BSN: variants seen among roughly 807,000 people sequenced by gnomAD.
BSN encodes protein bassoon.
In BSN, 57 loss-of-function variants were observed where a neutral mutation model predicts 264.8. The ratio of observed to expected loss-of-function variants is 0.22; its 90% CI spans 0.17 to 0.27. The LOEUF (loss-of-function observed/expected upper bound fraction) is 0.27, where lower values mean the gene tolerates loss of function less well. Among genes scored for constraint, BSN ranks in the 10% least tolerant of loss-of-function variants. The pLI is 1.00. For synonymous variants in BSN, 2,059 were observed against 2,137.3 expected (o/e 0.96, Z 1.01); for missense variants, 4,615 against 5,232.5 (o/e 0.88, Z 3.64).
rs1471448745 is a variant in BSN at position 49,662,382 on chromosome 3, A to T, written c.10537A>T (p.Arg3513Trp). Residue 3513 changes from arginine (R) to tryptophan (W), a missense_variant, in exon 6 of 12, where the codon AGG (arginine) becomes TGG (tryptophan). Around this residue, in one of 3 missense-constraint regions of BSN, gnomAD observed 3,415 missense variants for 3,866.4 expected, o/e 0.88. Transcript: ENST00000296452. ...GGAGAGCCCCGTCAGTCCTTTGGGG[A>T]GGCCCCGCCCTGCCGGAGGGCCCCT... is the stretch of plus-strand genomic sequence containing the variant. ...EEESPVSPLG[R>W]PRPAGGPLPP... 7 of 1,613,444 alleles carry T rather than the reference A, an allele frequency of 4.3e-6. No individual in the cohort carries two copies. In the South Asian group the frequency reaches 6.6e-5, roughly 15 times the overall value.
chr3:49,563,852 C>G (rs2051733642), intron 1 of BSN, among the ~76,000 whole-genome samples: 1 of 152,224 alleles, frequency 6.6e-6, no homozygotes, highest in Non-Finnish European at 1.5e-5. Flanking sequence ...GCAGATGATT[C>G]TACTGCTGGA....
intron 1 of BSN, among the ~76,000 whole-genome samples, chr3:49,605,491 T>TTATATATTATA (rs2052113785): frequency 1.6e-3 from 12 of 7,666 alleles, no homozygotes; most frequent in African/African-American, 6.5e-3. Context: ...ATAATATATA[T>TTATATATTATA]TATATATAAT....
intron 1 of BSN, among the ~76,000 whole-genome samples, chr3:49,559,148 A>C (rs2051695421): frequency 6.6e-6 from 1 of 152,086 alleles, no homozygotes; most frequent in East Asian, 1.9e-4. Context: ...GCTGGTCTCA[A>C]ACTCCTGAGC....
At chr3:49,575,480 A>G (rs2051837928) in intron 1 of BSN, among the ~76,000 whole-genome samples, 1 of 147,770 alleles carries the variant, frequency 6.8e-6, no homozygotes, top group African/African-American at 2.5e-5. Flanking sequence ...ATGTGTATAT[A>G]TGTAAATATA....
At chr3:49,580,043 T>C (rs928633536) in intron 1 of BSN, among the ~76,000 whole-genome samples, 1 of 152,226 alleles carries the variant, frequency 6.6e-6, no homozygotes, top group Admixed American at 6.5e-5. Context: ...ACAAGATATA[T>C]TGGTCTAAAG....
At position 49,653,867 on chromosome 3, in the gene BSN, G is replaced by A; in HGVS notation, c.4311G>A (p.Gln1437=). 6.2e-7 allele frequency: 1 copy of A among 1,614,060 alleles called. No individual in the cohort carries two copies. Among genetic ancestry groups the A allele is most frequent in the Non-Finnish European group, 8.5e-7 (1 of 1,179,986 alleles). ...GGTCCCAAACTGAGGATCTACCCCAGGCCCCCAGTGGCCTTGCTGCAGCTG... is the reference window on the plus strand; with the variant it reads ...GGTCCCAAACTGAGGATCTACCCCAAGCCCCCAGTGGCCTTGCTGCAGCTG... ...NYGSQTEDLP[Q]APSGLAAAGR... The change falls in exon 5 of 12, where the codon CAG becomes CAA. Residue 1437 remains glutamine, a synonymous_variant. Transcript: ENST00000296452. This position sits in a 1 kb window ranked among gnomAD's most constrained non-coding sequence, Gnocchi z 6.3.
At chr3:49,632,802 G>A (rs191670331) in intron 2 of BSN, among the ~76,000 whole-genome samples, 7 of 151,688 alleles carry the variant, frequency 4.6e-5, no homozygotes, top group African/African-American at 1.5e-4. Context: ...AAAAAAAAGT[G>A]GGGGGGAGCA....
intron 1 of BSN, among the ~76,000 whole-genome samples, chr3:49,605,293 T>A (rs1285309590): frequency 1.3e-4 from 13 of 101,270 alleles, no homozygotes; most frequent in African/African-American, 4.6e-4. Context: ...ACATATATAT[T>A]TTATATATTA....
intron 1 of BSN, among the ~76,000 whole-genome samples, chr3:49,612,741 T>C (rs142536879): frequency 9.2e-5 from 14 of 152,274 alleles, no homozygotes; most frequent in African/African-American, 3.1e-4. Context: ...TTGGTATCTC[T>C]GGAGAAGAGA....
At chr3:49,593,495 T>C (rs1015975970) in intron 1 of BSN, among the ~76,000 whole-genome samples, 1 of 152,258 alleles carries the variant, frequency 6.6e-6, no homozygotes, top group Admixed American at 6.5e-5. Flanking sequence ...AGATTGATTG[T>C]GCCATTTATA....
Position 49,651,349 on chromosome 3 carries a change from C to A in BSN, c.1987-194C>A. Reference sequence around the variant, plus strand: ...TCTAGTAAAGTTTCTCTTTGAAGACCAAGGGCTGGTTTGGGCTTGCCATGG... The same window carrying A: ...TCTAGTAAAGTTTCTCTTTGAAGACAAAGGGCTGGTTTGGGCTTGCCATGG... On this transcript the variant is annotated intron_variant, in intron 4 of 11. Transcript: ENST00000296452. This position sits in a 1 kb window ranked among gnomAD's most constrained non-coding sequence, Gnocchi z 5.4. The A allele has an allele frequency of 1.5e-6, 1 of 673,804 alleles. No individual in the cohort carries two copies. Among genetic ancestry groups the A allele is most frequent in the Non-Finnish European group, 2.4e-6 (1 of 416,032 alleles). 41.7% of individuals were successfully genotyped at this position (673,804 alleles called of 1,614,324 possible).
intron 1 of BSN, among the ~76,000 whole-genome samples, chr3:49,564,751 C>CAT (rs2051739900): frequency 6.6e-6 from 1 of 152,172 alleles, no homozygotes; most frequent in Non-Finnish European, 1.5e-5. Context: ...CTATGTCACT[C>CAT]ATAGTTCAGG....
chr3:49,587,802 C>T (rs1358765088), intron 1 of BSN, among the ~76,000 whole-genome samples: 1 of 151,986 alleles, frequency 6.6e-6, no homozygotes, highest in Non-Finnish European at 1.5e-5. Context: ...GGGAGAGGAC[C>T]AATCAGGGGT....
At chr3:49,671,901 C>T (rs2052772668), downstream of BSN, among the ~76,000 whole-genome samples, 1 of 152,146 alleles carries the variant, frequency 6.6e-6, no homozygotes, top group African/African-American at 2.4e-5. The surrounding 1 kb of genome is among the most constrained non-coding windows in gnomAD (Gnocchi z 4.1). Context: ...TGCCAACAAG[C>T]CCTACACCTC....
chr3:49,636,933 G>A (rs1004321527), intron 2 of BSN, among the ~76,000 whole-genome samples: 5 of 152,362 alleles, frequency 3.3e-5, no homozygotes, highest in East Asian at 1.9e-4. Context: ...TTGTCCAGGG[G>A]GCATGGGAAG....
At chr3:49,601,146 C>A (rs1231205579) in intron 1 of BSN, among the ~76,000 whole-genome samples, 1 of 152,168 alleles carries the variant, frequency 6.6e-6, no homozygotes, top group Admixed American at 6.5e-5. Flanking sequence ...TCAGAGAAAC[C>A]CCTCTAGGGG....
At chr3:49,672,990 A>T (rs1347124350), downstream of BSN, among the ~76,000 whole-genome samples, 7 of 141,366 alleles carry the variant, frequency 5.0e-5, no homozygotes, top group Non-Finnish European at 1.1e-4. Context: ...CGTGTTAGCC[A>T]GGATGGTCTC....
At position 49,638,038 on chromosome 3, in the gene BSN, A is replaced by G. The variant is rs114316677; in HGVS notation, c.634-4230A>G. ...ACGAGGCTCGTGGCTGGTAGCCTGC[A>G]CATCTCCTGCCCATGTGCCAGATCA... is the stretch of plus-strand genomic sequence containing the variant. On this transcript the variant is annotated intron_variant, in intron 2 of 11. Coordinates refer to ENST00000296452, the MANE Select transcript of BSN (RefSeq NM_003458.4). This position sits in a 1 kb window ranked among gnomAD's most constrained non-coding sequence, Gnocchi z 4.3. Among the ~76,000 whole-genome samples the G allele has an allele frequency of 1.7e-3, 257 of 152,360 alleles. 2 individuals are homozygous for G. The highest frequency in any genetic ancestry group is 5.8e-3 in the African/African-American group (242 of 41,586).
At chr3:49,579,887 T>A (rs1049692411) in intron 1 of BSN, among the ~76,000 whole-genome samples, 1 of 150,898 alleles carries the variant, frequency 6.6e-6, no homozygotes, top group East Asian at 1.9e-4. Flanking sequence ...ATCATTCTAT[T>A]AATATGCTAT....
Sources: allele counts gnomAD v4.1 joint callset (sites outside exome capture counted in the v4.1 genomes callset), GRCh38; gene constraint gnomAD v4.1.1; regional missense constraint gnomAD v4.1.1; non-coding constraint Gnocchi (gnomAD v3.1); transcripts MANE v1.5; gene names NCBI Gene and HGNC (gene_info 2026-07-23, HGNC 2026-07-21).